The following PCDHA12 variants were observed in gnomAD, a reference collection of about 807,000 sequenced individuals.
PCDHA12 encodes protocadherin alpha 12, also known as protocadherin alpha-12.
PCDHA12 carries 44 observed loss-of-function variants against 60.0 expected under a neutral mutation model. The observed-to-expected ratio is 0.73, with a 90% confidence interval of 0.58 to 0.94. The LOEUF (loss-of-function observed/expected upper bound fraction) is 0.94. Among genes scored for constraint, PCDHA12 ranks in the 40% least tolerant of loss-of-function variants. The probability of loss-of-function intolerance (pLI) is 0.00; values close to 1 mark genes in which losing one functional copy is unlikely to be tolerated. For synonymous variants in PCDHA12, 569 were observed against 553.0 expected, an observed-to-expected ratio of 1.03 and a Z score of -0.40; for missense variants, 1,276 against 1,239.7, an observed-to-expected ratio of 1.03 and a Z score of -0.44.
rs1013599044 is a variant in PCDHA12, at chr5:140,900,058, C to T, written c.2367+22219C>T. ...TTCCTGGGCTCAAGTGATCCTTTAACCTCAGCCTCCAAAAGTGCTGCAGTT... is the reference window on the plus strand; with the variant it reads ...TTCCTGGGCTCAAGTGATCCTTTAATCTCAGCCTCCAAAAGTGCTGCAGTT... On this transcript the variant is annotated intron_variant, in intron 1 of 3. Coordinates refer to ENST00000398631, the MANE Select transcript of PCDHA12 (RefSeq NM_018903.4). Among the ~76,000 whole-genome samples the T allele has an allele frequency of 2.0e-5, 3 of 152,160 alleles. 1 individual carries two copies. Among genetic ancestry groups the T allele is most frequent in the Non-Finnish European group, 1.5e-5 (1 of 68,028 alleles).
chr5:140,963,570 G>A (rs1011231723), intron 1 of PCDHA12, among the ~76,000 whole-genome samples: 6 of 152,180 alleles, frequency 3.9e-5, no homozygotes, highest in African/African-American at 1.2e-4. Flanking sequence ...TTCTGGTTTT[G>A]TTCTCAAAAT....
At chr5:140,966,463 TC>T in intron 1 of PCDHA12, 1 of 429,360 alleles carries the variant, frequency 2.3e-6, no homozygotes, top group Non-Finnish European at 4.0e-6. Flanking sequence ...CCCTCTGTCT[TC>T]CCTTCTGTTT....
At chr5:140,881,347 C>T in intron 1 of PCDHA12, 1 of 985,212 alleles carries the variant, frequency 1.0e-6, no homozygotes, top group Non-Finnish European at 1.2e-6. Context: ...ATTCGGGCTA[C>T]AATGCGTGGC....
chr5:141,001,811 C>A (rs1200900455), intron 3 of PCDHA12, among the ~76,000 whole-genome samples: 1 of 152,128 alleles, frequency 6.6e-6, no homozygotes, highest in Non-Finnish European at 1.5e-5. Flanking sequence ...ATTCTACAAT[C>A]GGCCAAATTC....
intron 1 of PCDHA12, among the ~76,000 whole-genome samples, chr5:140,917,749 C>G (rs2078340847): frequency 6.6e-6 from 1 of 152,144 alleles, no homozygotes; most frequent in African/African-American, 2.4e-5. Flanking sequence ...TCCCATTGGT[C>G]TATGTGTCTG....
intron 1 of PCDHA12, among the ~76,000 whole-genome samples, chr5:140,881,751 A>C (rs974973794): frequency 2.0e-5 from 3 of 152,206 alleles, no homozygotes; most frequent in African/African-American, 7.2e-5. Context: ...GGACAGTACC[A>C]CAAAAACCTA....
In PCDHA12 at chr5:140,967,289, C is replaced by A. The variant is rs782440125; in HGVS notation, c.2368-11660C>A. ...CTTTCACATAGAGAGTGCGCAGGAC[C>A]CCGACGTGGGCGCCAACTCAGTACA... On this transcript the variant is annotated intron_variant, in intron 1 of 3. Transcript: ENST00000398631. 3 of 1,612,910 alleles carry A rather than the reference C, an allele frequency of 1.9e-6. No homozygotes were observed. The East Asian group carries it at 6.7e-5, about 36-fold the overall frequency.
intron 1 of PCDHA12, among the ~76,000 whole-genome samples, chr5:140,910,531 C>G (rs2153515118): frequency 6.6e-6 from 1 of 152,310 alleles, no homozygotes; most frequent in Admixed American, 6.5e-5. Flanking sequence ...ACTCCCCTCA[C>G]AAATCTATTT....
chr5:140,937,937 G>T (rs1584936873), intron 1 of PCDHA12, among the ~76,000 whole-genome samples: 1 of 151,274 alleles, frequency 6.6e-6, no homozygotes. Flanking sequence ...AGTTTAATTT[G>T]ATAATTGGCT....
chr5:140,978,061 A>G (rs1307101965), intron 1 of PCDHA12, among the ~76,000 whole-genome samples: 1 of 152,202 alleles, frequency 6.6e-6, no homozygotes, highest in Non-Finnish European at 1.5e-5. Flanking sequence ...ATGATGTCCC[A>G]GTGATTTCTG....
At chr5:140,941,042 T>C (rs532611705) in intron 1 of PCDHA12, among the ~76,000 whole-genome samples, 11 of 152,310 alleles carry the variant, frequency 7.2e-5, no homozygotes, top group African/African-American at 2.2e-4. Context: ...TGGTGCCAAG[T>C]CAAATTCCCC....
chr5:140,927,959 G>A lies in PCDHA12; in HGVS notation c.2367+50120G>A. On this transcript the variant is annotated intron_variant, in intron 1 of 3. Transcript: ENST00000398631. ...CCAGTACCTGAGGACGCTGCCCCTG[G>A]CACAGTGATTGCTCTCTTTAGTGTA... 1 of 1,614,190 alleles carries A rather than the reference G, an allele frequency of 6.2e-7. No individual in the cohort carries two copies. Among genetic ancestry groups the A allele is most frequent in the East Asian group, 2.2e-5 (1 of 44,886 alleles).
chr5:140,964,701 C>T (rs1228970267), intron 1 of PCDHA12, among the ~76,000 whole-genome samples: 2 of 151,776 alleles, frequency 1.3e-5, no homozygotes, highest in Non-Finnish European at 2.9e-5. Context: ...GAGATTAAGG[C>T]CTCCGAGATC....
At chr5:140,926,861 G>T in intron 1 of PCDHA12, 1 of 1,522,578 alleles carries the variant, frequency 6.6e-7, no homozygotes, top group Non-Finnish European at 8.8e-7. Flanking sequence ...TTGGTGTAGC[G>T]TGTTGGTGGA....
intron 1 of PCDHA12, among the ~76,000 whole-genome samples, chr5:140,971,248 A>G (rs552592175): frequency 6.6e-6 from 1 of 152,330 alleles, no homozygotes; most frequent in East Asian, 1.9e-4. Context: ...AATTTGATAC[A>G]TAAACTATTT....
chr5:140,916,475 C>T (rs2077583115), intron 1 of PCDHA12, among the ~76,000 whole-genome samples: 1 of 152,206 alleles, frequency 6.6e-6, no homozygotes, highest in South Asian at 2.1e-4. Flanking sequence ...TTATTTGGTG[C>T]CCAAGGGCTC....
At chr5:140,885,543 G>A (rs1554182177) in intron 1 of PCDHA12, among the ~76,000 whole-genome samples, 2 of 152,092 alleles carry the variant, frequency 1.3e-5, no homozygotes, top group Non-Finnish European at 2.9e-5. Flanking sequence ...CAAAATATTG[G>A]TGTTATTTCT....
intron 1 of PCDHA12, chr5:140,883,164 A>G (rs559249411): frequency 1.2e-6 from 2 of 1,614,060 alleles, no homozygotes; most frequent in African/African-American, 1.3e-5. Context: ...AATCCGAACA[A>G]TGGAGAAATT....
chr5:140,904,150 C>A (rs1005130566), intron 1 of PCDHA12, among the ~76,000 whole-genome samples: 1 of 152,036 alleles, frequency 6.6e-6, no homozygotes, highest in African/African-American at 2.4e-5. Flanking sequence ...GTATACATTG[C>A]ACCCAGTTTG....
Sources: allele counts gnomAD v4.1 joint callset (sites outside exome capture counted in the v4.1 genomes callset), GRCh38; gene constraint gnomAD v4.1.1; transcripts MANE v1.5; gene names NCBI Gene and HGNC (gene_info 2026-07-23, HGNC 2026-07-21).